The following TDRD3 variants were observed in gnomAD, a reference collection of about 807,000 sequenced individuals.
TDRD3 encodes tudor domain containing 3.
Under a neutral mutation model 86.7 loss-of-function variants are expected in TDRD3, and 45 were observed. The ratio of observed to expected loss-of-function variants is 0.52; its 90% CI spans 0.41 to 0.67. The LOEUF (loss-of-function observed/expected upper bound fraction) is 0.67, where lower values mean the gene tolerates loss of function less well. TDRD3 is among the 30% of genes least tolerant of loss of function. The pLI is 0.00. For synonymous variants in TDRD3, 298 were observed against 301.7 expected (o/e 0.99, Z 0.13); for missense variants, 814 against 889.0 (o/e 0.92, Z 1.07).
At chr13:60,526,595 G>A (rs866287338) in intron 10 of TDRD3, among the ~76,000 whole-genome samples, 5 of 150,286 alleles carry the variant, frequency 3.3e-5, no homozygotes, top group Admixed American at 2.0e-4. Flanking sequence ...ATGTTTATTA[G>A]GCAGATATTC....
chr13:60,416,540 C>T lies in TDRD3; in HGVS notation c.41+19135C>T, dbSNP rs113779820. Among the ~76,000 whole-genome samples the T allele has an allele frequency of 3.5e-3, 526 of 152,234 alleles. 4 individuals carry two copies. Among genetic ancestry groups the T allele is most frequent in the African/African-American group, 0.012 (490 of 41,550 alleles). ...TTTCCTTTTTTAAGAAAATATTTTA[C>T]GAATGCCTTTTCTTGTTGTTGTAAT... On this transcript the variant is annotated intron_variant, in intron 1 of 13. Transcript: ENST00000377881.
intron 3 of TDRD3, among the ~76,000 whole-genome samples, chr13:60,457,437 G>T (rs1955703411): frequency 6.6e-6 from 1 of 152,192 alleles, no homozygotes; most frequent in South Asian, 2.1e-4. Flanking sequence ...GAACATGTAG[G>T]CTTGTACACT....
At chr13:60,530,072 C>G (rs1054191204) in intron 11 of TDRD3, among the ~76,000 whole-genome samples, 1 of 152,202 alleles carries the variant, frequency 6.6e-6, no homozygotes, top group Non-Finnish European at 1.5e-5. Context: ...GCCCCATCCT[C>G]CTACTTACAT....
chr13:60,411,836 A>G (rs1390031246), intron 1 of TDRD3, among the ~76,000 whole-genome samples: 3 of 152,194 alleles, frequency 2.0e-5, no homozygotes, highest in Admixed American at 2.0e-4. Flanking sequence ...AAAGAATCTT[A>G]TTGCACATTA....
chr13:60,425,319 T>A (rs925001883), intron 1 of TDRD3, among the ~76,000 whole-genome samples: 6 of 152,130 alleles, frequency 3.9e-5, no homozygotes. Context: ...ATGTATCACC[T>A]CACACCTATA....
chr13:60,541,462 C>T (rs1034404550), intron 12 of TDRD3, among the ~76,000 whole-genome samples: 2 of 151,962 alleles, frequency 1.3e-5, no homozygotes, highest in Non-Finnish European at 1.5e-5. Flanking sequence ...CCACCTTGCC[C>T]AGTCCACGGC....
rs548016923 is a variant in TDRD3 at position 60,533,512 on chromosome 13, G to A, written c.1993-1596G>A. Among the ~76,000 whole-genome samples the A allele has an allele frequency of 8.5e-5, 13 of 152,074 alleles. No homozygotes were observed. In the East Asian group the frequency reaches 1.7e-3, roughly 20 times the overall value. ...AAAAATTAGCCAGGTGTAGTAGCACGTGCCTGTAATCCCAGCTACTCGGGA... is the reference window on the plus strand; with the variant it reads ...AAAAATTAGCCAGGTGTAGTAGCACATGCCTGTAATCCCAGCTACTCGGGA... On this transcript the variant is annotated intron_variant, in intron 11 of 13. Transcript: ENST00000377881.
chr13:60,480,959 G>A (rs1956298638), intron 5 of TDRD3, among the ~76,000 whole-genome samples: 1 of 152,110 alleles, frequency 6.6e-6, no homozygotes, highest in Admixed American at 6.5e-5. Context: ...TGGGTGGATA[G>A]CTCTGGTGAG....
intron 12 of TDRD3, 173 bp downstream of exon 12, chr13:60,535,406 A>G: frequency 3.9e-6 from 2 of 508,516 alleles, no homozygotes; most frequent in South Asian, 7.2e-5. Context: ...AATGAACTAC[A>G]ATAAAAATGA....
chr13:60,408,055 G>A (rs1954275687), intron 1 of TDRD3, among the ~76,000 whole-genome samples: 2 of 151,998 alleles, frequency 1.3e-5, no homozygotes, highest in Admixed American at 6.6e-5. Context: ...TTCACGTCCC[G>A]CCATGATTCT....
intron 10 of TDRD3, among the ~76,000 whole-genome samples, chr13:60,523,193 T>C (rs1198390526): frequency 6.6e-6 from 1 of 152,156 alleles, no homozygotes; most frequent in Non-Finnish European, 1.5e-5. Flanking sequence ...GGGAAACAAA[T>C]TCTACCTGAT....
intron 1 of TDRD3, among the ~76,000 whole-genome samples, chr13:60,412,197 G>C (rs1252007616): frequency 1.3e-5 from 2 of 152,140 alleles, no homozygotes; most frequent in Non-Finnish European, 2.9e-5. Context: ...CAGAGTTTGT[G>C]GATTGGCATT....
intron 12 of TDRD3, among the ~76,000 whole-genome samples, chr13:60,550,471 G>A (rs1244207238): frequency 3.9e-5 from 6 of 152,016 alleles, no homozygotes; most frequent in Non-Finnish European, 7.4e-5. Flanking sequence ...CTGTAGATAC[G>A]AAGAGAGGAA....
chr13:60,444,925 T>C (rs1467154425), intron 3 of TDRD3, among the ~76,000 whole-genome samples, 177 bp downstream of exon 3: 1 of 152,052 alleles, frequency 6.6e-6, no homozygotes, highest in Non-Finnish European at 1.5e-5. Flanking sequence ...AATTCAACTT[T>C]TGGTGACTTT....
chr13:60,398,628 AC>A (rs1954008941), intron 1 of TDRD3, among the ~76,000 whole-genome samples: 1 of 152,212 alleles, frequency 6.6e-6, no homozygotes, highest in East Asian at 1.9e-4. Flanking sequence ...ACCCCATTTT[AC>A]AGGTGAGGAG....
intron 12 of TDRD3, among the ~76,000 whole-genome samples, chr13:60,546,928 A>G (rs1451712276): frequency 6.6e-6 from 1 of 152,182 alleles, no homozygotes; most frequent in Non-Finnish European, 1.5e-5. Context: ...CGCACTGGCT[A>G]TCAAAGAATA....
chr13:60,525,166 C>CTTTTTTTTTTTTTTTT (rs71199006), intron 10 of TDRD3, among the ~76,000 whole-genome samples: 1 of 56,092 alleles, frequency 1.8e-5, no homozygotes, highest in African/African-American at 6.7e-5. Context: ...TAAGGGAATT[C>CTTTTTTTTTTTTTTTT]TTTTTTTTTT....
intron 1 of TDRD3, among the ~76,000 whole-genome samples, chr13:60,426,297 G>A (rs1954806267): frequency 6.6e-6 from 1 of 152,136 alleles, no homozygotes; most frequent in Non-Finnish European, 1.5e-5. Flanking sequence ...CAGAGGAAAT[G>A]GGGAGATGTG....
At chr13:60,408,520 G>T (rs1234382082) in intron 1 of TDRD3, among the ~76,000 whole-genome samples, 1 of 152,202 alleles carries the variant, frequency 6.6e-6, no homozygotes, top group East Asian at 1.9e-4. Flanking sequence ...ATAAGATCCA[G>T]GCTGAGGTGG....
Sources: allele counts gnomAD v4.1 joint callset (sites outside exome capture counted in the v4.1 genomes callset), GRCh38; gene constraint gnomAD v4.1.1; transcripts MANE v1.5; gene names NCBI Gene and HGNC (gene_info 2026-07-23, HGNC 2026-07-21).